The following SOBP variants were observed in gnomAD, a reference collection of about 807,000 sequenced individuals.
SOBP encodes the protein sine oculis binding protein homolog.
SOBP carries 4 observed loss-of-function variants against 53.6 expected under a neutral mutation model. The ratio of observed to expected loss-of-function variants is 0.07; its 90% confidence interval spans 0.04 to 0.17. The LOEUF is 0.17. SOBP is among the 10% of genes least tolerant of loss of function. The probability of loss-of-function intolerance (pLI) is 1.00; values close to 1 mark genes in which losing one functional copy is unlikely to be tolerated. For missense variants in SOBP, 1,088 were observed against 1,204.7 expected (o/e 0.90, Z 1.43); for synonymous variants, 584 against 522.6 (o/e 1.12, Z -1.60).
intron 4 of SOBP, among the ~76,000 whole-genome samples, chr6:107,586,251 AG>A (rs1162817968): frequency 6.6e-6 from 1 of 152,228 alleles, no homozygotes; most frequent in African/African-American, 2.4e-5. Flanking sequence ...GAGAGCAGTT[AG>A]GGCTAAGATG....
chr6:107,535,787 T>C (rs1783980437), intron 4 of SOBP, among the ~76,000 whole-genome samples: 1 of 152,118 alleles, frequency 6.6e-6, no homozygotes, highest in Non-Finnish European at 1.5e-5. Context: ...CTGATAGGAT[T>C]TTGTGGTCAT....
chr6:107,629,609 T>C (rs562131400), intron 5 of SOBP, among the ~76,000 whole-genome samples: 1 of 152,360 alleles, frequency 6.6e-6, no homozygotes, highest in East Asian at 1.9e-4. Context: ...GAAAGAGTTA[T>C]AAGAACCACA....
rs764930562 is a variant in SOBP, at chr6:107,490,601, A to C, written c.-16A>C. ...GCAGCAGCCATTTCATCTCCACAGA[A>C]ACCAGACACAAAAACATGGCAGAAA... On this transcript the variant is annotated 5_prime_UTR_variant, in exon 1 of 7. Transcript: ENST00000317357. The C allele has an allele frequency of 1.3e-6, 2 of 1,590,068 alleles. No homozygotes were observed. Among genetic ancestry groups the C allele is most frequent in the East Asian group, 2.3e-5 (1 of 44,028 alleles).
chr6:107,656,856 A>G (rs1417748555), intron 6 of SOBP, among the ~76,000 whole-genome samples: 1 of 152,198 alleles, frequency 6.6e-6, no homozygotes, highest in African/African-American at 2.4e-5. Context: ...CACCTCTCTG[A>G]AGTTATTTGT....
chr6:107,610,620 T>C (rs1423791662), intron 5 of SOBP, among the ~76,000 whole-genome samples: 2 of 152,248 alleles, frequency 1.3e-5, no homozygotes, highest in Non-Finnish European at 2.9e-5. Flanking sequence ...GTGATTCTAA[T>C]GTGTTTTAAA....
rs1770881457 is a variant in SOBP at position 107,634,389 on chromosome 6, C to T, written c.1545C>T (p.Ala515=). 2 of 1,599,254 alleles carry T rather than the reference C, an allele frequency of 1.3e-6. No homozygotes were observed. Among genetic ancestry groups the T allele is most frequent in the Non-Finnish European group, 1.7e-6 (2 of 1,178,638 alleles). The change falls in exon 6 of 7, where the codon GCC becomes GCT. Residue 515 remains alanine, a synonymous_variant. Transcript: ENST00000317357. The surrounding 1 kb of genome is among the most constrained non-coding windows in gnomAD (Gnocchi z 4.5). ...QMMNFGLPSL[A]PLVPPPTLLV... is the part of the protein sequence containing the mutation. ...TGAATTTCGGGCTGCCGTCGCTTGCCCCGCTGGTGCCGCCCCCGACCCTGC... is the reference window on the plus strand; with the variant it reads ...TGAATTTCGGGCTGCCGTCGCTTGCTCCGCTGGTGCCGCCCCCGACCCTGC...
At chr6:107,558,175 C>T (rs1335868745) in intron 4 of SOBP, 1 of 152,132 alleles carries the variant, frequency 6.6e-6, no homozygotes, top group Non-Finnish European at 1.5e-5. Flanking sequence ...CTTACTGATA[C>T]ACTTAGATTG....
intron 4 of SOBP, among the ~76,000 whole-genome samples, chr6:107,581,630 G>C (rs886172561): frequency 2.6e-5 from 4 of 152,210 alleles, no homozygotes; most frequent in Admixed American, 1.3e-4. Flanking sequence ...TTATTCCTGA[G>C]CTTCCTCAAG....
rs1388776164 is a variant in SOBP at position 107,661,228 on chromosome 6, C to T, written c.*3025C>T. ...ATCAGCACCCCTTTTCCTCCTCTTC[C>T]TTCTCACGATCTTACTGCTGTCTGA... On this transcript the variant is annotated 3_prime_UTR_variant, in exon 7 of 7. Transcript: ENST00000317357. Among the ~76,000 whole-genome samples the T allele has an allele frequency of 1.3e-5, 2 of 152,184 alleles. No individual in the cohort carries two copies. The highest frequency in any genetic ancestry group is 4.8e-5 in the African/African-American group (2 of 41,430).
chr6:107,625,338 C>T (rs1449147513), intron 5 of SOBP, among the ~76,000 whole-genome samples: 1 of 152,116 alleles, frequency 6.6e-6, no homozygotes, highest in Non-Finnish European at 1.5e-5. Context: ...CAGGCTATGG[C>T]CCAGGGTGCA....
chr6:107,503,518 T>C (rs1782897008), intron 1 of SOBP, 139 bp from the exon 2 acceptor site: 1 of 882,494 alleles, frequency 1.1e-6, no homozygotes, highest in Non-Finnish European at 1.8e-6. Flanking sequence ...GAACATGATT[T>C]GAAAAATGAA....
At chr6:107,522,279 C>A (rs1457319759) in intron 3 of SOBP, among the ~76,000 whole-genome samples, 1 of 152,074 alleles carries the variant, frequency 6.6e-6, no homozygotes, top group Admixed American at 6.6e-5. Flanking sequence ...GTGGATGCCA[C>A]TGAAGAGTTT....
At position 107,635,457 on chromosome 6, in the gene SOBP, G is replaced by A. The variant is rs1322300707; in HGVS notation, c.2613G>A (p.Gln871=). The change falls in exon 6 of 7, where the codon CAG becomes CAA. Residue 871 remains glutamine (Q), a synonymous_variant. Transcript: ENST00000317357. This position sits in a 1 kb window ranked among gnomAD's most constrained non-coding sequence, Gnocchi z 4.5. ...GGAGGTGCCTCCGAATTAGAAATCA[G>A]AATAAGTAAAAGGTTTGTATGTCCG... ...LKRRCLRIRN[Q]NK 1.2e-6 allele frequency: 2 copies of A among 1,613,192 alleles called. No homozygotes were observed. The highest frequency in any genetic ancestry group is 2.2e-5 in the South Asian group (2 of 91,068).
intron 4 of SOBP, among the ~76,000 whole-genome samples, chr6:107,556,406 C>T (rs1210340294): frequency 6.6e-6 from 1 of 152,216 alleles, no homozygotes; most frequent in Non-Finnish European, 1.5e-5. Context: ...TCTGTGCACA[C>T]ACACAAATCA....
At position 107,634,468 on chromosome 6, in the gene SOBP, C is replaced by T. The variant is rs1562116504; in HGVS notation, c.1624C>T (p.Pro542Ser). 1.2e-6 allele frequency: 2 copies of T among 1,611,348 alleles called. No individual in the cohort carries two copies. Among genetic ancestry groups the T allele is most frequent in the South Asian group, 2.2e-5 (2 of 91,074 alleles). The change falls in exon 6 of 7, where the codon CCT becomes TCT. Residue 542 changes from proline (P) to serine (S), a missense_variant. Pro to Ser is a moderately conservative substitution (Grantham distance 74). Coordinates refer to ENST00000317357, the MANE Select transcript of SOBP (RefSeq NM_018013.4). The surrounding 1 kb of genome is among the most constrained non-coding windows in gnomAD (Gnocchi z 4.5). ...ACCGGTGCCCATCCCCATCCCCATC[C>T]CTATCCCTCACGTCAGCGACTCCAA... ...PLPVPIPIPIPIPHVSDSKPP... is the reference protein window; with the variant it reads ...PLPVPIPIPISIPHVSDSKPP...
chr6:107,586,816 A>G (rs1785583341), intron 4 of SOBP, among the ~76,000 whole-genome samples: 3 of 152,180 alleles, frequency 2.0e-5, no homozygotes, highest in South Asian at 2.1e-4. Context: ...GTAATTGCCA[A>G]CAAAATTATT....
intron 4 of SOBP, chr6:107,558,199 CT>C (rs1165633158): frequency 6.6e-6 from 1 of 152,122 alleles, no homozygotes; most frequent in Non-Finnish European, 1.5e-5. Context: ...AAGAAATCAA[CT>C]TCAGATGAGA....
At chr6:107,495,494 C>T (rs952690781) in intron 1 of SOBP, among the ~76,000 whole-genome samples, 1 of 152,158 alleles carries the variant, frequency 6.6e-6, no homozygotes, top group African/African-American at 2.4e-5. Flanking sequence ...AAAGGAACCA[C>T]TCCACTTCCT....
intron 5 of SOBP, among the ~76,000 whole-genome samples, chr6:107,608,958 C>A (rs899378402): frequency 6.6e-6 from 1 of 152,176 alleles, no homozygotes; most frequent in African/African-American, 2.4e-5. Context: ...TTCTTTAATA[C>A]CACTCCCCCG....
Sources: gnomAD v4.1 joint callset for allele counts (sites outside exome capture counted in the v4.1 genomes callset) on GRCh38, gnomAD v4.1.1 for gene constraint, Gnocchi (gnomAD v3.1) non-coding constraint, MANE v1.5 for transcripts, NCBI Gene and HGNC (gene_info 2026-07-23, HGNC 2026-07-21) for gene names.